The following PCNX2 variants were observed in gnomAD, a reference collection of about 807,000 sequenced individuals.
The protein encoded by PCNX2 is pecanex 2, also known as pecanex-like protein 2.
In PCNX2, 168 loss-of-function variants were observed where a neutral mutation model predicts 223.8. That is an observed-to-expected ratio of 0.75 (90% CI 0.66 to 0.85). The LOEUF is 0.85. PCNX2 is among the 40% of genes least tolerant of loss of function. PCNX2 has a pLI of 0.00. For synonymous variants in PCNX2, 1,006 were observed against 1,052.6 expected (o/e 0.96, Z 0.86); for missense variants, 2,507 against 2,675.5 (o/e 0.94, Z 1.39).
At chr1:233,120,599 T>C (rs1022198349) in intron 21 of PCNX2, among the ~76,000 whole-genome samples, 2 of 152,126 alleles carry the variant, frequency 1.3e-5, no homozygotes, top group East Asian at 1.9e-4. Context: ...AAGTAATGAA[T>C]TATCGATCTC....
At chr1:233,300,255 T>C (rs1662237472), upstream of PCNX2, among the ~76,000 whole-genome samples, 1 of 152,226 alleles carries the variant, frequency 6.6e-6, no homozygotes, top group African/African-American at 2.4e-5. Flanking sequence ...TAACGTTTCA[T>C]AGTGTTCTAT....
chr1:233,197,535 T>C (rs181240155), intron 15 of PCNX2, among the ~76,000 whole-genome samples: 2 of 152,328 alleles, frequency 1.3e-5, no homozygotes, highest in Admixed American at 6.5e-5. Flanking sequence ...TTGGTCTACA[T>C]GACAGGATAA....
the PCNX2 span, among the ~76,000 whole-genome samples, chr1:233,315,192 T>G: frequency 6.6e-6 from 1 of 152,200 alleles, no homozygotes; most frequent in African/African-American, 2.4e-5. Context: ...CGCATTCACA[T>G]ATAAGAGAAG....
intron 17 of PCNX2, among the ~76,000 whole-genome samples, chr1:233,165,855 G>A (rs1049188900): frequency 2.0e-5 from 3 of 151,886 alleles, no homozygotes; most frequent in Admixed American, 6.6e-5. Context: ...TTTTAGAAAC[G>A]AACATGCTAA....
intron 25 of PCNX2, among the ~76,000 whole-genome samples, chr1:233,053,055 T>C (rs1319487207): frequency 1.3e-5 from 2 of 151,446 alleles, no homozygotes; most frequent in African/African-American, 4.9e-5. Context: ...CCCAGTATAT[T>C]CTCCACACAG....
chr1:233,227,507 T>C, intron 9 of PCNX2, 136 bp from the exon 10 acceptor site: 1 of 789,744 alleles, frequency 1.3e-6, no homozygotes, highest in East Asian at 3.2e-5. Context: ...AAGCAAATGT[T>C]CAAATTCTGA....
At chr1:233,038,610 G>T (rs1049166575) in intron 25 of PCNX2, among the ~76,000 whole-genome samples, 1 of 152,180 alleles carries the variant, frequency 6.6e-6, no homozygotes, top group African/African-American at 2.4e-5. Context: ...TATTGTATGG[G>T]TAAGTTTGGA....
intron 13 of PCNX2, among the ~76,000 whole-genome samples, chr1:233,203,905 AG>A: frequency 6.6e-6 from 1 of 152,322 alleles, no homozygotes; most frequent in Non-Finnish European, 1.5e-5. Flanking sequence ...CACCTGCCAG[AG>A]GAGGACCACT....
chr1:233,034,638 C>G (rs1558178587), intron 25 of PCNX2, among the ~76,000 whole-genome samples: 1 of 152,104 alleles, frequency 6.6e-6, no homozygotes, highest in South Asian at 2.1e-4. Context: ...GACACACCTG[C>G]CAAGATGGAG....
chr1:233,097,388 T>A (rs544085008), intron 21 of PCNX2, among the ~76,000 whole-genome samples: 1 of 151,576 alleles, frequency 6.6e-6, no homozygotes, highest in African/African-American at 2.4e-5. Context: ...AACTAGATGA[T>A]GTGATCAGGC....
At chr1:233,307,603 A>T in the PCNX2 span, among the ~76,000 whole-genome samples, 1 of 152,170 alleles carries the variant, frequency 6.6e-6, no homozygotes, top group Non-Finnish European at 1.5e-5. Flanking sequence ...AGGCACTGTT[A>T]TGGTGGATCT....
chr1:233,139,892 G>C lies in PCNX2; in HGVS notation c.3518-37C>G. On this transcript the variant is annotated intron_variant, in intron 19 of 33. Transcript: ENST00000258229. This position sits in a 1 kb window ranked among gnomAD's most constrained non-coding sequence, Gnocchi z 4.4. ...ATAAAAACCACTTAGAACAACCACC[G>C]ATCAAAGTATTTTTCTTTAAGTACA... 1 of 1,592,908 alleles carries C rather than the reference G, an allele frequency of 6.3e-7. No individual in the cohort carries two copies. Among genetic ancestry groups the C allele is most frequent in the Non-Finnish European group, 8.5e-7 (1 of 1,170,352 alleles).
chr1:233,231,670 C>G, intron 9 of PCNX2: 1 of 984,966 alleles, frequency 1.0e-6, no homozygotes, highest in Non-Finnish European at 1.2e-6. Context: ...GAACAGTAGA[C>G]AGAAGAAAAA....
intron 17 of PCNX2, among the ~76,000 whole-genome samples, chr1:233,168,704 A>C (rs1678949957): frequency 6.6e-6 from 1 of 152,104 alleles, no homozygotes; most frequent in South Asian, 2.1e-4. Flanking sequence ...ATTTTGAATT[A>C]ATTTCCTAGA....
chr1:233,319,223 C>G, the PCNX2 span, among the ~76,000 whole-genome samples: 1 of 152,170 alleles, frequency 6.6e-6, no homozygotes, highest in Admixed American at 6.5e-5. Flanking sequence ...TCACTGTAAA[C>G]CACACCCCCC....
rs1035564050 is a variant in PCNX2, at chr1:233,057,958, G to A, written c.4077-668C>T. The A allele has an allele frequency of 3.0e-6, 3 of 985,274 alleles. No homozygotes were observed. In the African/African-American group the frequency reaches 5.2e-5, roughly 17 times the overall value. The allele number at this position is 985,274 out of a possible 1,614,324, so 61.0% of individuals were successfully genotyped here. A position where few individuals can be genotyped will look rare whatever the true frequency, so the allele number is the denominator to read the frequency against. ...ATCTTTCTCTTCAAATTGATTTCAG[G>A]AAATGGTGGTGAGTAGTCAACGTCT... On this transcript the variant is annotated intron_variant, in intron 23 of 33. Transcript: ENST00000258229.
At chr1:233,257,956 C>T (rs1659822919) in intron 5 of PCNX2, 72 bp downstream of exon 5, 39 of 1,505,922 alleles carry the variant, frequency 2.6e-5, no homozygotes, top group Non-Finnish European at 3.5e-5. Flanking sequence ...AATCAAATTA[C>T]ACAAGGCAAA....
intron 1 of PCNX2, among the ~76,000 whole-genome samples, chr1:233,266,642 T>C (rs1286797486): frequency 6.6e-6 from 1 of 152,208 alleles, no homozygotes; most frequent in Non-Finnish European, 1.5e-5. Flanking sequence ...TTATGAATTG[T>C]TCCTAAATTT....
intron 20 of PCNX2, among the ~76,000 whole-genome samples, chr1:233,138,348 T>G (rs1220373127): frequency 2.0e-5 from 3 of 152,238 alleles, no homozygotes; most frequent in African/African-American, 4.8e-5. Flanking sequence ...TCTAACAACT[T>G]GGCCTCAACC....
Sources: gnomAD v4.1 joint callset for allele counts (sites outside exome capture counted in the v4.1 genomes callset) on GRCh38, gnomAD v4.1.1 for gene constraint, Gnocchi (gnomAD v3.1) non-coding constraint, MANE v1.5 for transcripts, NCBI Gene and HGNC (gene_info 2026-07-23, HGNC 2026-07-21) for gene names.